SDK1: variants seen among roughly 807,000 people sequenced by gnomAD.
The protein encoded by SDK1 is protein sidekick-1.
A neutral mutation model predicts 245.5 loss-of-function variants in SDK1; 157 were observed. That is an observed-to-expected ratio of 0.64 (90% CI 0.56 to 0.73). The LOEUF is 0.73. Ranked by LOEUF, SDK1 falls within the 30% of genes least tolerant of loss-of-function variation. The probability of loss-of-function intolerance (pLI) is 0.00; values close to 1 mark genes in which losing one functional copy is unlikely to be tolerated. For missense variants in SDK1, 3,583 were observed against 3,002.3 expected, an observed-to-expected ratio of 1.19 and a Z score of -4.52; for synonymous variants, 1,647 against 1,278.5, an observed-to-expected ratio of 1.29 and a Z score of -6.15.
At chr7:3,380,004 A>G (rs979081878) in intron 1 of SDK1, among the ~76,000 whole-genome samples, 3 of 152,220 alleles carry the variant, frequency 2.0e-5, no homozygotes, top group Admixed American at 1.3e-4. Context: ...TTCAACCTGT[A>G]TTTAATATTG....
At chr7:3,656,029 C>A (rs980979365) in intron 4 of SDK1, among the ~76,000 whole-genome samples, 8 of 152,144 alleles carry the variant, frequency 5.3e-5, no homozygotes, top group African/African-American at 1.7e-4. Flanking sequence ...GATTGTGACC[C>A]CACCTCTGCT....
At chr7:3,736,640 T>C (rs1779325552) in intron 4 of SDK1, among the ~76,000 whole-genome samples, 1 of 152,184 alleles carries the variant, frequency 6.6e-6, no homozygotes, top group African/African-American at 2.4e-5. Context: ...GTGGGAGTTT[T>C]TCTAAGCTTT....
At chr7:3,718,035 T>C (rs951951681) in intron 4 of SDK1, among the ~76,000 whole-genome samples, 1 of 151,922 alleles carries the variant, frequency 6.6e-6, no homozygotes, top group African/African-American at 2.4e-5. Context: ...AATGGCAAAC[T>C]GAATCCAGCA....
intron 35 of SDK1, among the ~76,000 whole-genome samples, chr7:4,187,955 G>A (rs1782987556): frequency 6.6e-6 from 1 of 152,168 alleles, no homozygotes; most frequent in African/African-American, 2.4e-5. Context: ...CGTGGCTGGG[G>A]AAGGTGAAAG....
intron 5 of SDK1, among the ~76,000 whole-genome samples, chr7:3,829,624 G>T (rs182250611): frequency 3.5e-4 from 54 of 152,274 alleles, no homozygotes; most frequent in Admixed American, 8.5e-4. Context: ...TGGAGGCTGG[G>T]TGTGCTCTTG....
chr7:3,521,545 T>A (rs1343855362), intron 1 of SDK1, among the ~76,000 whole-genome samples: 1 of 152,140 alleles, frequency 6.6e-6, no homozygotes, highest in African/African-American at 2.4e-5. Context: ...TGATAAGCAC[T>A]TATGTTAGTG....
intron 5 of SDK1, among the ~76,000 whole-genome samples, chr7:3,838,656 C>A (rs146545726): frequency 0.025 from 3,782 of 152,194 alleles, 78 homozygotes; most frequent in Non-Finnish European, 0.035. Context: ...GTTGCCAGCC[C>A]CCGTCCCTGA....
chr7:4,166,525 G>T (rs746839563), intron 32 of SDK1, among the ~76,000 whole-genome samples: 3 of 152,224 alleles, frequency 2.0e-5, no homozygotes, highest in Non-Finnish European at 4.4e-5. Flanking sequence ...AAAGGCTCAC[G>T]GGTGACGTCA....
intron 1 of SDK1, among the ~76,000 whole-genome samples, chr7:3,530,082 A>T (rs767168963): frequency 1.3e-5 from 2 of 152,222 alleles, no homozygotes; most frequent in African/African-American, 2.4e-5. Flanking sequence ...AAAGACTCTC[A>T]AAAAGTATAA....
chr7:3,834,502 C>CT (rs1779986788), intron 5 of SDK1, among the ~76,000 whole-genome samples: 1 of 152,196 alleles, frequency 6.6e-6, no homozygotes, highest in South Asian at 2.1e-4. Flanking sequence ...CTCTGAAAAT[C>CT]TTTTCTTTCA....
chr7:3,890,745 G>A (rs1436878315), intron 5 of SDK1, among the ~76,000 whole-genome samples: 1 of 152,026 alleles, frequency 6.6e-6, no homozygotes, highest in Non-Finnish European at 1.5e-5. Flanking sequence ...AGTTCGAGAC[G>A]AGCCTGGGCA....
chr7:3,806,744 G>T (rs1422759980), intron 4 of SDK1, among the ~76,000 whole-genome samples: 3 of 152,216 alleles, frequency 2.0e-5, no homozygotes, highest in African/African-American at 7.2e-5. Context: ...TTATGTTATT[G>T]TGTTGTGTTT....
chr7:3,952,292 TTGCTG>T (rs1780897375), intron 7 of SDK1, among the ~76,000 whole-genome samples: 1 of 152,220 alleles, frequency 6.6e-6, no homozygotes, highest in Non-Finnish European at 1.5e-5. Context: ...TATTCTATTA[TTGCTG>T]TCCAGGCATG....
chr7:3,380,267 G>A (rs1320559667), intron 1 of SDK1, among the ~76,000 whole-genome samples: 4 of 152,186 alleles, frequency 2.6e-5, no homozygotes, highest in African/African-American at 9.7e-5. Flanking sequence ...AATGGCCTGT[G>A]ATTGGTGACA....
intron 19 of SDK1, among the ~76,000 whole-genome samples, chr7:4,063,604 AAAAAAC>A (rs1562752119): frequency 6.6e-6 from 1 of 151,698 alleles, no homozygotes; most frequent in African/African-American, 2.4e-5. Flanking sequence ...TAGCAAAAAA[AAAAAAC>A]AAAAAACCCC....
intron 1 of SDK1, among the ~76,000 whole-genome samples, chr7:3,376,721 T>C (rs1357713556): frequency 1.3e-5 from 2 of 152,144 alleles, no homozygotes; most frequent in African/African-American, 4.8e-5. Context: ...AAATACCAAA[T>C]GAGTGCACAT....
At chr7:4,073,000 C>G (rs968963103) in intron 20 of SDK1, among the ~76,000 whole-genome samples, 4 of 152,126 alleles carry the variant, frequency 2.6e-5, no homozygotes, top group Non-Finnish European at 5.9e-5. Flanking sequence ...AGGATGCAGA[C>G]AGACAGTTTG....
At chr7:3,348,860 T>G (rs1379582709) in intron 1 of SDK1, among the ~76,000 whole-genome samples, 3 of 152,230 alleles carry the variant, frequency 2.0e-5, no homozygotes, top group African/African-American at 7.2e-5. Flanking sequence ...TTTTATTAAC[T>G]ACTTAAGGTT....
chr7:3,855,484 C>G (rs907647907), intron 5 of SDK1, among the ~76,000 whole-genome samples: 3 of 151,992 alleles, frequency 2.0e-5, no homozygotes, highest in African/African-American at 7.3e-5. Context: ...AGGCTGAAGA[C>G]AAAAGTGAAT....
Sources: allele counts gnomAD v4.1 joint callset (sites outside exome capture counted in the v4.1 genomes callset), GRCh38; gene constraint gnomAD v4.1.1; transcripts MANE v1.5; gene names NCBI Gene and HGNC (gene_info 2026-07-23, HGNC 2026-07-21).